HS6ST3: variants seen among roughly 807,000 people sequenced by gnomAD.
The protein encoded by HS6ST3 is heparan sulfate 6-O-sulfotransferase 3.
In HS6ST3, 12 loss-of-function variants were observed where a neutral mutation model predicts 36.7. The observed-to-expected ratio is 0.33, with a 90% CI of 0.21 to 0.53. The LOEUF is 0.53. Ranked by LOEUF, HS6ST3 falls within the 20% of genes least tolerant of loss-of-function variation. HS6ST3 has a pLI of 0.95. For missense variants in HS6ST3, 584 were observed against 640.9 expected, an observed-to-expected ratio of 0.91 and a Z score of 0.96; for synonymous variants, 240 against 257.5, an observed-to-expected ratio of 0.93 and a Z score of 0.65.
intron 1 of HS6ST3, among the ~76,000 whole-genome samples, chr13:96,104,075 A>G (rs1345079747): frequency 6.6e-6 from 1 of 152,046 alleles, no homozygotes. Flanking sequence ...ACAGGTTAAT[A>G]TGTCCTGAAA....
At chr13:96,532,429 C>T (rs559879499) in intron 1 of HS6ST3, among the ~76,000 whole-genome samples, 1 of 152,142 alleles carries the variant, frequency 6.6e-6, no homozygotes, top group Non-Finnish European at 1.5e-5. Flanking sequence ...TAATGAAACA[C>T]TTGAGGTCTG....
intron 1 of HS6ST3, among the ~76,000 whole-genome samples, chr13:96,791,930 A>G (rs1877801707): frequency 6.6e-6 from 1 of 152,076 alleles, no homozygotes; most frequent in African/African-American, 2.4e-5. Flanking sequence ...TATTTTATAT[A>G]TAAATAGTAT....
chr13:96,717,526 C>T (rs953736840), intron 1 of HS6ST3, among the ~76,000 whole-genome samples: 1 of 152,114 alleles, frequency 6.6e-6, no homozygotes, highest in Non-Finnish European at 1.5e-5. Flanking sequence ...ACCCTGCAAG[C>T]GTGTTTCCTT....
At chr13:96,761,668 AT>A (rs1291396708) in intron 1 of HS6ST3, among the ~76,000 whole-genome samples, 4 of 152,050 alleles carry the variant, frequency 2.6e-5, no homozygotes, top group African/African-American at 9.7e-5. Context: ...TATCTTCACA[AT>A]TTTATTTCAT....
intron 1 of HS6ST3, among the ~76,000 whole-genome samples, chr13:96,516,084 C>T (rs1256921142): frequency 1.3e-4 from 19 of 146,776 alleles, no homozygotes; most frequent in Non-Finnish European, 2.5e-4. Flanking sequence ...TTTTTTGAGA[C>T]ACAGTCTTGG....
At chr13:96,468,706 TA>T (rs2055826482) in intron 1 of HS6ST3, among the ~76,000 whole-genome samples, 1 of 152,198 alleles carries the variant, frequency 6.6e-6, no homozygotes, top group African/African-American at 2.4e-5. Flanking sequence ...ATACGTATCC[TA>T]TAGAGCCTTG....
chr13:96,139,395 A>G (rs966925272), intron 1 of HS6ST3, among the ~76,000 whole-genome samples: 6 of 152,076 alleles, frequency 3.9e-5, no homozygotes, highest in Admixed American at 2.6e-4. Flanking sequence ...AGATAAAGCC[A>G]TAACCCTACA....
intron 1 of HS6ST3, among the ~76,000 whole-genome samples, chr13:96,138,549 A>G (rs867096219): frequency 6.6e-6 from 1 of 151,906 alleles, no homozygotes; most frequent in South Asian, 2.1e-4. Context: ...CGTCACCACA[A>G]CCAAGATGAT....
At chr13:96,180,031 C>T (rs1472595018) in intron 1 of HS6ST3, among the ~76,000 whole-genome samples, 4 of 152,070 alleles carry the variant, frequency 2.6e-5, no homozygotes, top group Admixed American at 1.3e-4. Context: ...GATGGGGTTT[C>T]GCCTTGTTGG....
At chr13:96,544,689 G>A (rs927829104) in intron 1 of HS6ST3, among the ~76,000 whole-genome samples, 14 of 152,038 alleles carry the variant, frequency 9.2e-5, no homozygotes, top group South Asian at 2.1e-4. Flanking sequence ...ATTTTTCAGC[G>A]TTGACCCTCT....
At chr13:96,452,955 G>A (rs924100546) in intron 1 of HS6ST3, among the ~76,000 whole-genome samples, 5 of 152,062 alleles carry the variant, frequency 3.3e-5, no homozygotes, top group Non-Finnish European at 7.4e-5. Context: ...AGAGACATGA[G>A]ACCCTTGGGT....
At chr13:96,646,688 A>C (rs2056589925) in intron 1 of HS6ST3, among the ~76,000 whole-genome samples, 1 of 151,914 alleles carries the variant, frequency 6.6e-6, no homozygotes, top group Non-Finnish European at 1.5e-5. Flanking sequence ...ATGCCGATGA[A>C]AGTGGATCAA....
chr13:96,616,464 C>T (rs2056474701), intron 1 of HS6ST3, among the ~76,000 whole-genome samples: 1 of 152,144 alleles, frequency 6.6e-6, no homozygotes, highest in African/African-American at 2.4e-5. Context: ...TGCCACCAGT[C>T]TTCACCTTTG....
rs3864 is a variant in HS6ST3, at chr13:96,836,095, C to A, written c.*2897C>A. The stretch of plus-strand genomic sequence containing the variant: ...GAGTGATGCTCAGGGAAGTGATGCC[C>A]GCAGAAGGCGTCTGGGCCTAAGGAT... On this transcript the variant is annotated 3_prime_UTR_variant, in exon 2 of 2. Coordinates refer to ENST00000376705, the MANE Select transcript of HS6ST3 (RefSeq NM_153456.4). 0.36 allele frequency: 54,179 copies of A among 152,020 alleles called. 9,854 individuals are homozygous for A. Among genetic ancestry groups the A allele is most frequent in the East Asian group, 0.47 (2,412 of 5,162 alleles). The allele number at this position is 152,020 out of a possible 1,614,324, so 9.4% of individuals were successfully genotyped here. A position where few individuals can be genotyped will look rare whatever the true frequency, so the allele number is the denominator to read the frequency against.
At chr13:96,228,477 G>A (rs958955901) in intron 1 of HS6ST3, among the ~76,000 whole-genome samples, 5 of 152,136 alleles carry the variant, frequency 3.3e-5, no homozygotes, top group African/African-American at 1.2e-4. Flanking sequence ...TGTTGGCCAG[G>A]CTGGTCTTAA....
At chr13:96,180,363 CTCTT>C (rs1225838077) in intron 1 of HS6ST3, among the ~76,000 whole-genome samples, 1 of 152,184 alleles carries the variant, frequency 6.6e-6, no homozygotes, top group Non-Finnish European at 1.5e-5. Flanking sequence ...AATTACATCT[CTCTT>C]TCTTCTCTGA....
intron 1 of HS6ST3, among the ~76,000 whole-genome samples, chr13:96,663,407 A>G (rs1012676018): frequency 7.2e-5 from 11 of 152,184 alleles, no homozygotes; most frequent in Admixed American, 3.9e-4. Context: ...TAAAGTACCA[A>G]ACATCATGAG....
chr13:96,383,305 T>A (rs1051681532), intron 1 of HS6ST3, among the ~76,000 whole-genome samples: 1 of 151,422 alleles, frequency 6.6e-6, no homozygotes, highest in African/African-American at 2.4e-5. Context: ...CACACAAAAA[T>A]TAGCTGGGCG....
intron 1 of HS6ST3, among the ~76,000 whole-genome samples, chr13:96,306,198 G>T (rs2054912386): frequency 6.6e-6 from 1 of 151,410 alleles, no homozygotes; most frequent in Admixed American, 6.6e-5. Context: ...CTGCCTCCTG[G>T]GTTTAAGCAA....
Sources: gnomAD v4.1 joint callset for allele counts (sites outside exome capture counted in the v4.1 genomes callset) on GRCh38, gnomAD v4.1.1 for gene constraint, MANE v1.5 for transcripts, NCBI Gene and HGNC (gene_info 2026-07-23, HGNC 2026-07-21) for gene names.